SCAPER: variants seen among roughly 807,000 people sequenced by gnomAD.
The protein encoded by SCAPER is S phase cyclin A-associated protein in the endoplasmic reticulum.
A neutral mutation model predicts 182.2 loss-of-function variants in SCAPER; 98 were observed. That is an observed-to-expected ratio of 0.54 (90% CI 0.46 to 0.64). SCAPER has a LOEUF of 0.64. Ranked by LOEUF, SCAPER falls within the 30% of genes least tolerant of loss-of-function variation. The probability of loss-of-function intolerance (pLI) is 0.00; values close to 1 mark genes in which losing one functional copy is unlikely to be tolerated. For missense variants in SCAPER, 1,432 were observed against 1,690.0 expected (o/e 0.85, Z 2.68); for synonymous variants, 605 against 564.6 (o/e 1.07, Z -1.01).
At chr15:76,707,654 T>C (rs1301253674) in intron 17 of SCAPER, among the ~76,000 whole-genome samples, 1 of 152,170 alleles carries the variant, frequency 6.6e-6, no homozygotes, top group African/African-American at 2.4e-5. Context: ...GTTCAACTTA[T>C]ATTTGGAGAT....
chr15:76,799,120 CAAT>C (rs2065559950), intron 7 of SCAPER, among the ~76,000 whole-genome samples: 1 of 151,872 alleles, frequency 6.6e-6, no homozygotes, highest in Non-Finnish European at 1.5e-5. Context: ...ATTTGTATGA[CAAT>C]AACACAATGT....
intron 4 of SCAPER, among the ~76,000 whole-genome samples, chr15:76,845,855 T>C (rs1464514586): frequency 1.3e-5 from 2 of 151,750 alleles, no homozygotes; most frequent in Non-Finnish European, 2.9e-5. Context: ...CTAAAATATA[T>C]ACAGAACCAC....
chr15:76,471,356 C>T, intron 24 of SCAPER, 21 bp from the exon 25 acceptor site: 1 of 1,587,380 alleles, frequency 6.3e-7, no homozygotes, highest in Non-Finnish European at 8.6e-7. Context: ...GAGAAAAACA[C>T]CATTTATAAA....
At chr15:76,455,067 A>C (rs2048629311) in intron 25 of SCAPER, among the ~76,000 whole-genome samples, 1 of 152,026 alleles carries the variant, frequency 6.6e-6, no homozygotes, top group Non-Finnish European at 1.5e-5. Flanking sequence ...TTTATTCATT[A>C]TTTGTGCCTC....
At chr15:76,365,431 A>G (rs1057277505) in intron 29 of SCAPER, among the ~76,000 whole-genome samples, 4 of 152,356 alleles carry the variant, frequency 2.6e-5, no homozygotes, top group Middle Eastern at 3.4e-3. Context: ...TAAATGAAGC[A>G]TATTTTAAAT....
At chr15:76,511,885 A>T (rs199546277) in intron 23 of SCAPER, among the ~76,000 whole-genome samples, 12,247 of 113,402 alleles carry the variant, frequency 0.11, 753 homozygotes, top group Middle Eastern at 0.14. Flanking sequence ...ATATATATAT[A>T]TTTTTTTTTT....
At chr15:76,448,334 T>C (rs532123326) in intron 25 of SCAPER, among the ~76,000 whole-genome samples, 2 of 152,146 alleles carry the variant, frequency 1.3e-5, no homozygotes, top group Non-Finnish European at 2.9e-5. Context: ...ATAATCTAAT[T>C]GACTGCATAT....
chr15:76,869,772 AG>A (rs1330785866), intron 2 of SCAPER, among the ~76,000 whole-genome samples: 1 of 152,202 alleles, frequency 6.6e-6, no homozygotes, highest in Non-Finnish European at 1.5e-5. Context: ...TCCAAAATAA[AG>A]GAAACTAATA....
chr15:76,590,481 T>C (rs2049025401), intron 22 of SCAPER, among the ~76,000 whole-genome samples: 1 of 152,186 alleles, frequency 6.6e-6, no homozygotes, highest in African/African-American at 2.4e-5. Context: ...AAAAATTTCA[T>C]TTCTAAGCAA....
In SCAPER at chr15:76,353,969, A is replaced by T; in HGVS notation, c.4027T>A (p.Leu1343Ile). 1.9e-6 allele frequency: 3 copies of T among 1,586,048 alleles called. No individual in the cohort carries two copies. The highest frequency in any genetic ancestry group is 2.6e-6 in the Non-Finnish European group (3 of 1,170,796). The change falls in exon 30 of 32, where the codon TTA becomes ATA. Residue 1343 changes from leucine to isoleucine, a missense_variant. Leu to Ile is a conservative substitution (Grantham distance 5). Transcript: ENST00000563290. ...GGTACCTGAATGAAAGTGGCCAGTAAAACACAGCTCATCTCTTGCTCCAGA... is the reference window on the plus strand; with the variant it reads ...GGTACCTGAATGAAAGTGGCCAGTATAACACAGCTCATCTCTTGCTCCAGA... ...IILEQEMSCV[L>I]LATFIQDLAQ...
At chr15:76,637,742 A>ATATATATATGTGTG (rs1414519401) in intron 21 of SCAPER, among the ~76,000 whole-genome samples, 2 of 105,818 alleles carry the variant, frequency 1.9e-5, no homozygotes, top group African/African-American at 7.5e-5. Flanking sequence ...ATATATATAT[A>ATATATATATGTGTG]TGTGTGTGTG....
intron 17 of SCAPER, among the ~76,000 whole-genome samples, chr15:76,714,541 G>C (rs2059781091): frequency 6.7e-6 from 1 of 149,614 alleles, no homozygotes; most frequent in Non-Finnish European, 1.5e-5. Context: ...AGTGGTAGTA[G>C]TAGTAGTAGT....
chr15:76,712,972 T>G (rs1044739692), intron 17 of SCAPER, among the ~76,000 whole-genome samples: 1 of 152,162 alleles, frequency 6.6e-6, no homozygotes, highest in African/African-American at 2.4e-5. Flanking sequence ...CTTCCAACAC[T>G]ATGTTGAATA....
chr15:76,646,319 T>C (rs2054543910), intron 21 of SCAPER, among the ~76,000 whole-genome samples: 1 of 152,152 alleles, frequency 6.6e-6, no homozygotes. Context: ...TCAGAATATG[T>C]TCTTGATAGT....
In SCAPER at chr15:76,663,791, A is replaced by G. The variant is rs146023270; in HGVS notation, c.2645+1862T>C. On this transcript the variant is annotated intron_variant, in intron 21 of 31. Coordinates refer to ENST00000563290, the MANE Select transcript of SCAPER (RefSeq NM_020843.4). Reference sequence around the variant, plus strand: ...TCTTGATAGGGGTATGGATTGTATGACTGTCTAGATTTTTCAAAACTCAAA... The same window carrying G: ...TCTTGATAGGGGTATGGATTGTATGGCTGTCTAGATTTTTCAAAACTCAAA... Among the ~76,000 whole-genome samples the G allele has an allele frequency of 3.2e-3, 483 of 152,232 alleles. 5 individuals carry two copies. The highest frequency in any genetic ancestry group is 0.011 in the African/African-American group (461 of 41,558).
rs571425674 is a variant in SCAPER, at chr15:76,493,002, C to A, written c.2954+11857G>T. 9.9e-5 allele frequency among the ~76,000 whole-genome samples: 15 copies of A among 151,738 alleles called. No homozygotes were observed. In the East Asian group the frequency reaches 2.9e-3, roughly 29 times the overall value. The stretch of plus-strand genomic sequence containing the variant: ...AAACCTACGCTATCTACAATGCCTT[C>A]CCTGTCTTGCGGCTCGTTCTTTCTG... On this transcript the variant is annotated intron_variant, in intron 24 of 31. Transcript: ENST00000563290.
At chr15:76,552,335 C>A (rs997355952) in intron 23 of SCAPER, among the ~76,000 whole-genome samples, 1 of 152,022 alleles carries the variant, frequency 6.6e-6, no homozygotes. Context: ...TAGACACACC[C>A]GGCAGGAGTA....
chr15:76,905,307 G>A lies in SCAPER; in HGVS notation c.-68C>T. 7.4e-6 allele frequency: 2 copies of A among 269,850 alleles called. No homozygotes were observed. Among genetic ancestry groups the A allele is most frequent in the Admixed American group, 4.8e-5 (1 of 20,670 alleles). 16.7% of individuals were successfully genotyped at this position (269,850 alleles called of 1,614,324 possible). ...CCCTCGCGGACACTCACCCCCGACC[G>A]CCCTGCTTAGTTCGGGGCGGCTCAA... On this transcript the variant is annotated 5_prime_UTR_variant, in exon 1 of 32. Transcript: ENST00000563290.
Position 76,601,870 on chromosome 15 carries a change from T to G in SCAPER, c.2711+19894A>C, listed in dbSNP as rs1339750135. Among the ~76,000 whole-genome samples, 2 of 121,576 alleles carry G rather than the reference T, an allele frequency of 1.6e-5. 1 individual carries two copies. Among genetic ancestry groups the G allele is most frequent in the Non-Finnish European group, 4.0e-5 (2 of 50,100 alleles). 79.8% of individuals were successfully genotyped at this position (121,576 alleles called of 152,430 possible). On this transcript the variant is annotated intron_variant, in intron 22 of 31. Transcript: ENST00000563290. Reference sequence around the variant, plus strand: ...ATATACAGTCATCCCTTGGTATATGTGTGAGATTGGTTCCAGGAACCCCAT... The same window carrying G: ...ATATACAGTCATCCCTTGGTATATGGGTGAGATTGGTTCCAGGAACCCCAT...
Sources: allele counts gnomAD v4.1 joint callset (sites outside exome capture counted in the v4.1 genomes callset), GRCh38; gene constraint gnomAD v4.1.1; transcripts MANE v1.5; gene names NCBI Gene and HGNC (gene_info 2026-07-23, HGNC 2026-07-21).